Variants in PRKCD observed in about 807,000 individuals in gnomAD.
PRKCD encodes the protein protein kinase C delta, also known as protein kinase C delta type.
Under a neutral mutation model 82.2 loss-of-function variants are expected in PRKCD, and 20 were observed. That is an observed-to-expected ratio of 0.24 (90% confidence interval 0.17 to 0.35). PRKCD has a LOEUF of 0.35. Ranked by LOEUF, PRKCD falls within the 10% of genes least tolerant of loss-of-function variation. The probability of loss-of-function intolerance (pLI) is 1.00; values close to 1 mark genes in which losing one functional copy is unlikely to be tolerated. For synonymous variants in PRKCD, 317 were observed against 337.0 expected, an observed-to-expected ratio of 0.94 and a Z score of 0.65; for missense variants, 607 against 899.0, an observed-to-expected ratio of 0.68 and a Z score of 4.15.
At chr3:53,164,583 AT>A (rs1479098000) in intron 1 of PRKCD, among the ~76,000 whole-genome samples, 1 of 151,814 alleles carries the variant, frequency 6.6e-6, no homozygotes, top group Non-Finnish European at 1.5e-5. Flanking sequence ...ACCCTGCCAC[AT>A]TAAAAAAAAA....
At chr3:53,188,187 CAAAAAAAAAAA>C (rs557772373) in intron 15 of PRKCD, among the ~76,000 whole-genome samples, 6 of 45,588 alleles carry the variant, frequency 1.3e-4, no homozygotes, top group East Asian at 9.5e-4. Flanking sequence ...GACTGTGTCT[CAAAAAAAAAAA>C]AAAAAAAAAA....
At chr3:53,172,856 T>G (rs1703084659) in intron 2 of PRKCD, among the ~76,000 whole-genome samples, 1 of 152,170 alleles carries the variant, frequency 6.6e-6, no homozygotes, top group Non-Finnish European at 1.5e-5. Flanking sequence ...CCCAGCTTAC[T>G]CCTCTGACCA....
rs1553671212 is a variant in PRKCD, at chr3:53,192,588, A to T, written c.*322A>T. 1 of 153,886 alleles carries T rather than the reference A, an allele frequency of 6.5e-6. No homozygotes were observed. Among genetic ancestry groups the T allele is most frequent in the Non-Finnish European group, 1.4e-5 (1 of 70,540 alleles). 9.5% of individuals were successfully genotyped at this position (153,886 alleles called of 1,614,324 possible). ...ATATATTGCTCAGTAGAGAAAAACC[A>T]TGGGGGACTGGTGATATGTTGATCT... On this transcript the variant is annotated 3_prime_UTR_variant, in exon 19 of 19. Coordinates refer to ENST00000330452, the MANE Select transcript of PRKCD (RefSeq NM_006254.4).
intron 11 of PRKCD, 29 bp from the exon 12 acceptor site, chr3:53,185,898 G>A (rs782271720): frequency 7.4e-6 from 12 of 1,611,442 alleles, no homozygotes; most frequent in South Asian, 3.3e-5. Flanking sequence ...CTGAGACCCC[G>A]ATCTGAGGAG....
At chr3:53,180,081 C>A (rs1703380488) in intron 4 of PRKCD, among the ~76,000 whole-genome samples, 1 of 152,244 alleles carries the variant, frequency 6.6e-6, no homozygotes, top group Admixed American at 6.5e-5. Context: ...GCTGGATGTA[C>A]AGGGCTTATT....
intron 9 of PRKCD, 138 bp from the exon 10 acceptor site, chr3:53,184,736 C>A: frequency 5.1e-6 from 3 of 593,138 alleles, no homozygotes; most frequent in African/African-American, 1.9e-5. Context: ...GGCTTCAGAT[C>A]AATGTTTTCC....
intron 11 of PRKCD, 98 bp from the exon 12 acceptor site, chr3:53,185,829 C>G (rs1397381213): frequency 6.6e-7 from 1 of 1,522,672 alleles, no homozygotes; most frequent in Admixed American, 1.7e-5. Context: ...GAGCCCCTTC[C>G]TCTCTGAGGC....
At chr3:53,179,040 C>T (rs1413915189) in intron 3 of PRKCD, among the ~76,000 whole-genome samples, 1 of 152,208 alleles carries the variant, frequency 6.6e-6, no homozygotes, top group Non-Finnish European at 1.5e-5. Flanking sequence ...GCCTGGTGAA[C>T]CCCTATTTGT....
intron 2 of PRKCD, among the ~76,000 whole-genome samples, chr3:53,172,790 C>T (rs895155866): frequency 1.3e-5 from 2 of 152,224 alleles, no homozygotes; most frequent in Non-Finnish European, 2.9e-5. Context: ...GAGGCAGCCT[C>T]CCTCTGCTCT....
At chr3:53,168,960 G>A (rs547203808) in intron 2 of PRKCD, among the ~76,000 whole-genome samples, 2 of 152,010 alleles carry the variant, frequency 1.3e-5, no homozygotes, top group African/African-American at 4.8e-5. Context: ...GAAAAGCCCC[G>A]TCTGGTGGCT....
At chr3:53,185,577 G>A (rs781829795) in intron 10 of PRKCD, 27 bp from the exon 11 acceptor site, 22 of 1,592,948 alleles carry the variant, frequency 1.4e-5, no homozygotes, top group Non-Finnish European at 1.9e-5. Flanking sequence ...CTGACCATCT[G>A]GCCCCCCACC....
chr3:53,174,334 G>A (rs1703144953), intron 2 of PRKCD, among the ~76,000 whole-genome samples: 1 of 152,216 alleles, frequency 6.6e-6, no homozygotes, highest in African/African-American at 2.4e-5. Flanking sequence ...TAGGCAGCTG[G>A]GAAAGGCCTG....
intron 12 of PRKCD, 56 bp from the exon 13 acceptor site, chr3:53,186,111 C>T (rs782548305): frequency 1.9e-5 from 30 of 1,606,532 alleles, no homozygotes; most frequent in Middle Eastern, 3.3e-4. Flanking sequence ...GTCTGTGAAT[C>T]GGGCTGTGGC....
intron 10 of PRKCD, 84 bp from the exon 11 acceptor site, chr3:53,185,520 G>A (rs1294724336): frequency 3.4e-6 from 4 of 1,174,884 alleles, no homozygotes; most frequent in Non-Finnish European, 5.0e-6. Context: ...TAAGGGTGGA[G>A]TTATACCTGG....
At chr3:53,162,747 T>G (rs1702716500) in intron 1 of PRKCD, among the ~76,000 whole-genome samples, 1 of 151,128 alleles carries the variant, frequency 6.6e-6, no homozygotes, top group Non-Finnish European at 1.5e-5. Flanking sequence ...TGTGTGTCCC[T>G]GTGTGTCTGG....
chr3:53,191,260 T>C (rs1703914604), intron 18 of PRKCD, among the ~76,000 whole-genome samples: 1 of 151,898 alleles, frequency 6.6e-6, no homozygotes, highest in African/African-American at 2.4e-5. Flanking sequence ...CAAAAAAAAT[T>C]AGCCGGGTAC....
At chr3:53,174,858 G>A (rs1481453587) in intron 2 of PRKCD, among the ~76,000 whole-genome samples, 1 of 152,208 alleles carries the variant, frequency 6.6e-6, no homozygotes, top group Non-Finnish European at 1.5e-5. Flanking sequence ...GCAGGTTTAG[G>A]GCTGGGGCCT....
intron 9 of PRKCD, among the ~76,000 whole-genome samples, chr3:53,184,345 ACAACAAC>A (rs1703588325): frequency 6.7e-6 from 1 of 148,844 alleles, no homozygotes; most frequent in East Asian, 2.0e-4. Flanking sequence ...AACAACAACA[ACAACAAC>A]AACAACAACA....
At chr3:53,174,803 G>A (rs955464828) in intron 2 of PRKCD, among the ~76,000 whole-genome samples, 8 of 152,198 alleles carry the variant, frequency 5.3e-5, no homozygotes, top group Non-Finnish European at 1.2e-4. Context: ...GGCAGCCCAC[G>A]AAGACCATGG....
Sources: gnomAD v4.1 joint callset for allele counts (sites outside exome capture counted in the v4.1 genomes callset) on GRCh38, gnomAD v4.1.1 for gene constraint, MANE v1.5 for transcripts, NCBI Gene and HGNC (gene_info 2026-07-23, HGNC 2026-07-21) for gene names.